Variants in TMEM59 observed in about 807,000 individuals in gnomAD.
TMEM59 encodes dendritic cell factor 1.
Under a neutral mutation model 42.2 loss-of-function variants are expected in TMEM59, and 44 were observed. That is an observed-to-expected ratio of 1.04 (90% CI 0.82 to 1.34). The LOEUF (loss-of-function observed/expected upper bound fraction) is 1.34. Among genes scored for constraint, TMEM59 ranks in the 40% most tolerant of loss-of-function variants. The pLI is 0.00. For missense variants in TMEM59, 359 were observed against 382.8 expected (o/e 0.94, Z 0.52); for synonymous variants, 148 against 145.8 (o/e 1.02, Z -0.11).
chr1:54,043,267 A>G (rs1469820036), intron 4 of TMEM59, 106 bp downstream of exon 4: 2 of 1,024,472 alleles, frequency 2.0e-6, no homozygotes, highest in South Asian at 3.8e-5. Flanking sequence ...TTTGATGATA[A>G]ATATTTGTAA....
At chr1:54,051,488 T>C (rs1461897922) in intron 1 of TMEM59, among the ~76,000 whole-genome samples, 1 of 152,206 alleles carries the variant, frequency 6.6e-6, no homozygotes. Flanking sequence ...CACCAATTGT[T>C]AGAAAATAGT....
At position 54,041,880 on chromosome 1, in the gene TMEM59, C is replaced by A. The variant is rs867680501; in HGVS notation, c.544-75G>T. On this transcript the variant is annotated intron_variant, in intron 4 of 7. Coordinates refer to ENST00000234831, the MANE Select transcript of TMEM59 (RefSeq NM_004872.5). ...TTCAGTAACAAGTTCTAAAACAAAT[C>A]ATCTCTTTAAACATTTAAATTGAGA... The A allele has an allele frequency of 2.8e-5, 33 of 1,162,830 alleles. No individual in the cohort carries two copies. In the Middle Eastern group the frequency reaches 1.2e-3, roughly 43 times the overall value. The allele number at this position is 1,162,830 out of a possible 1,614,324, so 72.0% of individuals were successfully genotyped here. A position where few individuals can be genotyped will look rare whatever the true frequency, so the allele number is the denominator to read the frequency against.
chr1:54,047,164 G>T, intron 2 of TMEM59, 103 bp downstream of exon 2: 1 of 915,200 alleles, frequency 1.1e-6, no homozygotes, highest in Non-Finnish European at 1.6e-6. Flanking sequence ...TAGATGACTA[G>T]TTTCAACAGT....
chr1:54,041,863 C>G, intron 4 of TMEM59, 58 bp from the exon 5 acceptor site: 3 of 1,353,298 alleles, frequency 2.2e-6, no homozygotes, highest in Non-Finnish European at 3.1e-6. Context: ...TTTTCAGTAA[C>G]AAGTTCTAAA....
chr1:54,042,763 C>T (rs554132820), intron 4 of TMEM59, among the ~76,000 whole-genome samples: 49 of 152,106 alleles, frequency 3.2e-4, no homozygotes, highest in African/African-American at 1.1e-3. Flanking sequence ...ACTTATTGGC[C>T]GTGAAACTGC....
Position 54,032,016 on chromosome 1 carries a change from TCAC to T in TMEM59, c.*131_*133del. On this transcript the variant is annotated 3_prime_UTR_variant, in exon 8 of 8. Transcript: ENST00000234831. ...AATAAAGTTATAGCAAATACAGTCT[TCAC>T]AGATTTGAGTAACTTTATTTGCATT... The T allele has an allele frequency of 2.7e-6, 2 of 736,440 alleles. No individual in the cohort carries two copies. The highest frequency in any genetic ancestry group is 3.9e-6 in the Non-Finnish European group (2 of 507,616). The allele number at this position is 736,440 out of a possible 1,614,324, so 45.6% of individuals were successfully genotyped here.
chr1:54,052,957 G>T, intron 1 of TMEM59, 43 bp downstream of exon 1: 1 of 1,571,034 alleles, frequency 6.4e-7, no homozygotes, highest in South Asian at 1.2e-5. Flanking sequence ...CCGAGAAATG[G>T]GCTGCAAGGG....
Position 54,030,862 on chromosome 1 carries a change from C to T in TMEM59, c.*1288G>A, listed in dbSNP as rs1299860545. The T allele has an allele frequency of 6.6e-6, 1 of 152,206 alleles. No individual in the cohort carries two copies. The highest frequency in any genetic ancestry group is 6.5e-5 in the Admixed American group (1 of 15,278). The allele number at this position is 152,206 out of a possible 1,614,324, so 9.4% of individuals were successfully genotyped here. A position where few individuals can be genotyped will look rare whatever the true frequency, so the allele number is the denominator to read the frequency against. Reference sequence around the variant, plus strand: ...TAACTTATTCTTTAGTCAAACAGCACTGATGCAGTTGTCAGCAATGCCCCT... The same window carrying T: ...TAACTTATTCTTTAGTCAAACAGCATTGATGCAGTTGTCAGCAATGCCCCT... On this transcript the variant is annotated 3_prime_UTR_variant, in exon 8 of 8. Transcript: ENST00000234831.
At chr1:54,052,856 G>C (rs745666683) in intron 1 of TMEM59, 144 bp downstream of exon 1, 9 of 909,278 alleles carry the variant, frequency 9.9e-6, no homozygotes, top group Middle Eastern at 3.3e-4. Flanking sequence ...GGCAGGATTA[G>C]GGAGGAAAAC....
chr1:54,041,842 T>G (rs768106975), intron 4 of TMEM59, 37 bp from the exon 5 acceptor site: 1 of 1,534,532 alleles, frequency 6.5e-7, no homozygotes. Context: ...TCATTTGTAC[T>G]TCTTTAGCTT....
Position 54,043,484 on chromosome 1 carries a change from T to C in TMEM59, c.432A>G (p.Leu144=). 1.3e-6 allele frequency: 2 copies of C among 1,550,994 alleles called. No individual in the cohort carries two copies. The highest frequency in any genetic ancestry group is 1.7e-6 in the Non-Finnish European group (2 of 1,147,146). The part of the protein sequence containing the change: ...LMPKMHLLFP[L]TLVRSFWSDM... Reference sequence around the variant, plus strand: ...CACTCCAGAATGACCTCACCAGAGTTAGAGGAAAGAGTAGGTGCATTTTTG... The same window carrying C: ...CACTCCAGAATGACCTCACCAGAGTCAGAGGAAAGAGTAGGTGCATTTTTG... The change falls in exon 4 of 8, where the codon CTA becomes CTG. Residue 144 remains leucine, a synonymous_variant. Transcript: ENST00000234831.
chr1:54,051,404 T>C (rs957893819), intron 1 of TMEM59, among the ~76,000 whole-genome samples: 2 of 152,190 alleles, frequency 1.3e-5, no homozygotes, highest in Non-Finnish European at 2.9e-5. Context: ...CCAGGACCTA[T>C]AGGGAGCCAG....
intron 1 of TMEM59, among the ~76,000 whole-genome samples, chr1:54,050,284 G>A (rs903513498): frequency 4.0e-5 from 6 of 150,944 alleles, no homozygotes; most frequent in African/African-American, 1.2e-4. Flanking sequence ...CGCCATGTTC[G>A]GCTAATTTTT....
At chr1:54,035,186 T>A (rs939688570) in intron 7 of TMEM59, among the ~76,000 whole-genome samples, 11 of 152,246 alleles carry the variant, frequency 7.2e-5, no homozygotes, top group African/African-American at 2.2e-4. Flanking sequence ...TTAAGTGTAA[T>A]ATTATCTTAA....
chr1:54,041,152 T>A (rs1657125733), intron 5 of TMEM59, among the ~76,000 whole-genome samples: 1 of 152,208 alleles, frequency 6.6e-6, no homozygotes, highest in African/African-American at 2.4e-5. Context: ...GCTATCATTA[T>A]CTACCCACTC....
At chr1:54,034,835 T>A (rs549615867) in intron 7 of TMEM59, 2 of 152,178 alleles carry the variant, frequency 1.3e-5, no homozygotes, top group Non-Finnish European at 2.9e-5. Flanking sequence ...GGATCTGATA[T>A]AGCAGGCCTC....
At chr1:54,037,868 C>G (rs1037823118) in intron 6 of TMEM59, among the ~76,000 whole-genome samples, 2 of 152,120 alleles carry the variant, frequency 1.3e-5, no homozygotes, top group African/African-American at 4.8e-5. Context: ...CCTAAGTAAC[C>G]TGAGTACTAA....
chr1:54,033,556 C>T (rs1224422097), intron 7 of TMEM59: 3 of 143,350 alleles, frequency 2.1e-5, no homozygotes, highest in South Asian at 4.5e-4. Context: ...GGGGTGAGAT[C>T]GCGACACTGC....
chr1:54,038,879 G>C (rs111446552), intron 6 of TMEM59, among the ~76,000 whole-genome samples: 1,966 of 152,254 alleles, frequency 0.013, 31 homozygotes, highest in African/African-American at 0.045. Context: ...AGACAGTCTC[G>C]CTTTGTCACT....
Sources: allele counts gnomAD v4.1 joint callset (sites outside exome capture counted in the v4.1 genomes callset), GRCh38; gene constraint gnomAD v4.1.1; transcripts MANE v1.5; gene names NCBI Gene and HGNC (gene_info 2026-07-23, HGNC 2026-07-21).